Variants in MACROD2 observed in about 807,000 individuals in gnomAD.
The protein encoded by MACROD2 is ADP-ribose glycohydrolase MACROD2.
A neutral mutation model predicts 70.4 loss-of-function variants in MACROD2; 36 were observed. That is an observed-to-expected ratio of 0.51 (90% CI 0.39 to 0.68). The LOEUF (loss-of-function observed/expected upper bound fraction) is 0.68. Ranked by LOEUF, MACROD2 falls within the 30% of genes least tolerant of loss-of-function variation. MACROD2 has a pLI of 0.00. For missense variants in MACROD2, 496 were observed against 538.4 expected (o/e 0.92, Z 0.78); for synonymous variants, 172 against 178.8 (o/e 0.96, Z 0.30).
At chr20:14,491,714 A>C (rs1326699127) in intron 3 of MACROD2, among the ~76,000 whole-genome samples, 1 of 152,176 alleles carries the variant, frequency 6.6e-6, no homozygotes, top group Admixed American at 6.6e-5. Context: ...GGATGAAAAT[A>C]GACTATATTG....
chr20:14,306,769 A>G (rs191319366), intron 3 of MACROD2, among the ~76,000 whole-genome samples: 1 of 152,242 alleles, frequency 6.6e-6, no homozygotes, highest in East Asian at 1.9e-4. Flanking sequence ...TTCTCTTTTC[A>G]GTGTCCCCAG....
At chr20:15,578,266 G>A (rs2048475772) in intron 8 of MACROD2, among the ~76,000 whole-genome samples, 1 of 152,228 alleles carries the variant, frequency 6.6e-6, no homozygotes, top group African/African-American at 2.4e-5. Context: ...ATTTACATTT[G>A]TGATATTCTG....
At chr20:14,172,008 C>T (rs746995231) in intron 3 of MACROD2, among the ~76,000 whole-genome samples, 4 of 152,024 alleles carry the variant, frequency 2.6e-5, no homozygotes, top group Admixed American at 1.3e-4. Flanking sequence ...TTTATAAATT[C>T]GGGAGCTGCC....
chr20:14,362,102 G>A (rs1394997490), intron 3 of MACROD2, among the ~76,000 whole-genome samples: 2 of 152,164 alleles, frequency 1.3e-5, no homozygotes, highest in Non-Finnish European at 2.9e-5. Flanking sequence ...CTTCCCATAA[G>A]ACAAAGTCCT....
intron 3 of MACROD2, among the ~76,000 whole-genome samples, chr20:14,233,052 G>T (rs937856815): frequency 6.6e-5 from 10 of 152,164 alleles, no homozygotes; most frequent in Admixed American, 6.5e-4. Context: ...ATGGATAATG[G>T]CTGGTCAGTG....
chr20:15,142,632 G>A (rs1314173209), intron 5 of MACROD2, among the ~76,000 whole-genome samples: 1 of 151,892 alleles, frequency 6.6e-6, no homozygotes, highest in Admixed American at 6.6e-5. Context: ...ATTTACATTA[G>A]GTGTATCTCC....
At chr20:15,699,554 C>G (rs887845648) in intron 8 of MACROD2, among the ~76,000 whole-genome samples, 1 of 152,164 alleles carries the variant, frequency 6.6e-6, no homozygotes, top group African/African-American at 2.4e-5. Context: ...GGTTGGCCTC[C>G]TGCCAGGAGG....
chr20:15,154,695 C>T (rs148854296), intron 5 of MACROD2, among the ~76,000 whole-genome samples: 175 of 152,326 alleles, frequency 1.1e-3, no homozygotes, highest in African/African-American at 3.8e-3. Context: ...CTCTCTGTTA[C>T]TGGAGCACTA....
intron 5 of MACROD2, among the ~76,000 whole-genome samples, chr20:15,198,813 G>A (rs908997825): frequency 1.4e-4 from 22 of 152,082 alleles, no homozygotes; most frequent in Non-Finnish European, 2.9e-5. Context: ...CAATCTGCTG[G>A]GAACTAGAAG....
At chr20:14,290,688 T>C (rs2082379051) in intron 3 of MACROD2, among the ~76,000 whole-genome samples, 1 of 152,172 alleles carries the variant, frequency 6.6e-6, no homozygotes, top group Non-Finnish European at 1.5e-5. Flanking sequence ...TTTGTATTTT[T>C]AGTATACACA....
intron 4 of MACROD2, among the ~76,000 whole-genome samples, chr20:14,568,952 G>A (rs1235802390): frequency 6.6e-6 from 1 of 152,020 alleles, no homozygotes; most frequent in Non-Finnish European, 1.5e-5. Flanking sequence ...ACCAAACCAT[G>A]AGGGAGGACA....
intron 3 of MACROD2, among the ~76,000 whole-genome samples, chr20:14,366,879 T>G (rs1445843118): frequency 6.6e-6 from 1 of 152,130 alleles, no homozygotes; most frequent in Non-Finnish European, 1.5e-5. Context: ...TGTTGGAGAG[T>G]CATTTAATTT....
At chr20:15,076,654 A>G (rs2075660483) in intron 5 of MACROD2, among the ~76,000 whole-genome samples, 1 of 152,146 alleles carries the variant, frequency 6.6e-6, no homozygotes, top group South Asian at 2.1e-4. Context: ...CTTCATTACC[A>G]TCTTGCTGCA....
At chr20:15,358,859 C>T (rs758613767) in intron 6 of MACROD2, among the ~76,000 whole-genome samples, 20 of 151,930 alleles carry the variant, frequency 1.3e-4, no homozygotes, top group Non-Finnish European at 2.8e-4. Context: ...GTGCCACCCT[C>T]ATTATTTAAT....
chr20:14,088,454 A>AT (rs1417586496), intron 3 of MACROD2, among the ~76,000 whole-genome samples: 1 of 149,422 alleles, frequency 6.7e-6, no homozygotes, highest in African/African-American at 2.5e-5. Context: ...TTTTTAAAAA[A>AT]TGTTTATATG....
At chr20:14,664,516 C>T (rs1416349083) in intron 4 of MACROD2, among the ~76,000 whole-genome samples, 1 of 151,674 alleles carries the variant, frequency 6.6e-6, no homozygotes, top group African/African-American at 2.4e-5. Context: ...CTTGTTTGGA[C>T]CATTATCAAC....
intron 3 of MACROD2, among the ~76,000 whole-genome samples, chr20:14,156,066 G>A (rs1460614352): frequency 6.6e-6 from 1 of 152,150 alleles, no homozygotes; most frequent in African/African-American, 2.4e-5. Flanking sequence ...GGAGGCTGAG[G>A]CAGGAGGATT....
rs186267595 is a variant in MACROD2 at position 14,912,676 on chromosome 20, T to A, written c.418+227717T>A. On this transcript the variant is annotated intron_variant, in intron 5 of 17. Transcript: ENST00000684519. ...ATATCTGGTCAGAGGGTTCAACATA[T>A]GTGAAGACTAAGGCATGAAGGATTA... 2.6e-5 allele frequency among the ~76,000 whole-genome samples: 4 copies of A among 152,210 alleles called. No individual in the cohort carries two copies. In the East Asian group the frequency reaches 7.7e-4, roughly 29 times the overall value.
intron 4 of MACROD2, among the ~76,000 whole-genome samples, chr20:14,656,025 G>A (rs1985956957): frequency 6.6e-6 from 1 of 152,162 alleles, no homozygotes; most frequent in Non-Finnish European, 1.5e-5. Flanking sequence ...AGCAAATCAA[G>A]GACCAGAATA....
Sources: allele counts gnomAD v4.1 joint callset (sites outside exome capture counted in the v4.1 genomes callset), GRCh38; gene constraint gnomAD v4.1.1; transcripts MANE v1.5; gene names NCBI Gene and HGNC (gene_info 2026-07-23, HGNC 2026-07-21).